TEK: variants seen among roughly 807,000 people sequenced by gnomAD.
The protein encoded by TEK is angiopoietin-1 receptor.
Under a neutral mutation model 131.8 loss-of-function variants are expected in TEK, and 43 were observed. The observed-to-expected ratio is 0.33, with a 90% CI of 0.26 to 0.42. TEK has a LOEUF of 0.42. TEK is among the 10% of genes least tolerant of loss of function. The pLI is 1.00. For missense variants in TEK, 1,162 were observed against 1,384.4 expected (o/e 0.84, Z 2.55); for synonymous variants, 580 against 491.6 (o/e 1.18, Z -2.38).
chr9:27,150,038 T>C (rs1293129151), intron 1 of TEK, among the ~76,000 whole-genome samples: 2 of 152,202 alleles, frequency 1.3e-5, no homozygotes, highest in Non-Finnish European at 2.9e-5. Context: ...TTCTCTGTCC[T>C]GTACCCTTTC....
chr9:27,137,777 T>C (rs1220085109), intron 1 of TEK, among the ~76,000 whole-genome samples: 2 of 152,172 alleles, frequency 1.3e-5, no homozygotes, highest in African/African-American at 4.8e-5. Flanking sequence ...CTTTTAGACT[T>C]CTCATTTTTC....
chr9:27,150,871 G>A (rs190876195), intron 1 of TEK, among the ~76,000 whole-genome samples: 15 of 152,276 alleles, frequency 9.9e-5, no homozygotes, highest in African/African-American at 2.2e-4. Flanking sequence ...AATTTCCGGC[G>A]TTTGAAGGTG....
rs573240128 is a variant in TEK, at chr9:27,229,175, G to A, written c.3318G>A (p.Thr1106=). The A allele has an allele frequency of 1.6e-5, 26 of 1,613,648 alleles. No individual in the cohort carries two copies. Among genetic ancestry groups the A allele is most frequent in the South Asian group, 5.5e-5 (5 of 91,080 alleles). Residue 1106 remains threonine (T), a synonymous_variant, in exon 23 of 23, where the codon ACG becomes ACA. Transcript: ENST00000380036. ...TCTTCCAGACCTACGTGAATACCAC[G>A]CTTTATGAGAAGTTTACTTATGCAG... is the stretch of plus-strand genomic sequence containing the variant. The part of the protein sequence containing the change: ...LEERKTYVNT[T]LYEKFTYAGI...
chr9:27,144,190 G>A (rs1044215807), intron 1 of TEK, among the ~76,000 whole-genome samples: 2 of 152,140 alleles, frequency 1.3e-5, no homozygotes, highest in Non-Finnish European at 2.9e-5. Context: ...GCTGAGGCAT[G>A]AGAATCGCTT....
chr9:27,130,711 G>T (rs1258497396), intron 1 of TEK, among the ~76,000 whole-genome samples: 1 of 149,584 alleles, frequency 6.7e-6, no homozygotes, highest in East Asian at 1.9e-4. Context: ...TGAGTAGCTG[G>T]GATTACAGGT....
At chr9:27,115,023 C>T (rs1249599318) in intron 1 of TEK, among the ~76,000 whole-genome samples, 1 of 152,100 alleles carries the variant, frequency 6.6e-6, no homozygotes, top group Non-Finnish European at 1.5e-5. Flanking sequence ...AATTTTTTCC[C>T]TTTGCTAAGC....
chr9:27,216,889 C>A (rs941149401), intron 18 of TEK, among the ~76,000 whole-genome samples: 2 of 152,128 alleles, frequency 1.3e-5, no homozygotes, highest in African/African-American at 4.8e-5. Context: ...GAGGGATCAA[C>A]CTCTCAATGA....
chr9:27,139,966 A>G (rs963995477), intron 1 of TEK, among the ~76,000 whole-genome samples: 6 of 152,156 alleles, frequency 3.9e-5, no homozygotes, highest in Admixed American at 2.6e-4. Context: ...TGGCTTCCCC[A>G]GTCCCGCTAC....
chr9:27,167,104 C>G (rs1278835616), intron 2 of TEK, among the ~76,000 whole-genome samples: 1 of 152,192 alleles, frequency 6.6e-6, no homozygotes, highest in Non-Finnish European at 1.5e-5. Flanking sequence ...TTCAGAAACT[C>G]TTGTTGCTGG....
intron 21 of TEK, among the ~76,000 whole-genome samples, chr9:27,226,409 G>A (rs531989851): frequency 6.6e-6 from 1 of 152,178 alleles, no homozygotes; most frequent in Non-Finnish European, 1.5e-5. Context: ...CCATAAGAAA[G>A]GATGAGTTCT....
At chr9:27,153,920 G>T (rs1823227638) in intron 1 of TEK, among the ~76,000 whole-genome samples, 1 of 152,126 alleles carries the variant, frequency 6.6e-6, no homozygotes, top group South Asian at 2.1e-4. Flanking sequence ...AGGCTGTTTG[G>T]CTACTTTTTT....
chr9:27,195,532 C>T, intron 11 of TEK: 2 of 378,596 alleles, frequency 5.3e-6, no homozygotes, highest in Non-Finnish European at 1.0e-5. Context: ...ATTTTTTTGC[C>T]CCATAGGAGT....
rs555832316 is a variant in TEK, at chr9:27,202,888, A to G, written c.1978A>G (p.Thr660Ala). The G allele has an allele frequency of 6.2e-7, 1 of 1,614,148 alleles. No individual in the cohort carries two copies. The highest frequency in any genetic ancestry group is 2.2e-5 in the East Asian group (1 of 44,884). Residue 660 changes from threonine to alanine, a missense_variant, in exon 13 of 23, where the codon ACA (threonine) becomes GCA (alanine). Physicochemically the swap from Thr to Ala is moderately conservative, Grantham distance 58. This residue lies in a region of TEK where 477 missense variants were observed against 471.0 expected (regional missense o/e 1.01). Coordinates refer to ENST00000380036, the MANE Select transcript of TEK (RefSeq NM_000459.5). ...ITHSSAVISWTILDGYSISSI... is the reference protein window; with the variant it reads ...ITHSSAVISWAILDGYSISSI... Reference sequence around the variant, plus strand: ...ACACTCCTCAGCTGTGATTTCTTGGACAATATTGGATGGCTATTCTATTTC... The same window carrying G: ...ACACTCCTCAGCTGTGATTTCTTGGGCAATATTGGATGGCTATTCTATTTC...
intron 2 of TEK, among the ~76,000 whole-genome samples, chr9:27,162,111 A>T (rs769646053): frequency 6.6e-6 from 1 of 152,226 alleles, no homozygotes; most frequent in African/African-American, 2.4e-5. Flanking sequence ...AGTGGGGGAA[A>T]TCTGGTTTGA....
intron 1 of TEK, among the ~76,000 whole-genome samples, chr9:27,122,530 A>C (rs910559892): frequency 6.6e-6 from 1 of 152,150 alleles, no homozygotes; most frequent in Non-Finnish European, 1.5e-5. Flanking sequence ...GGTTGGAGAA[A>C]AGGTAATTTG....
At chr9:27,110,623 ATAATT>A (rs879869887) in intron 1 of TEK, among the ~76,000 whole-genome samples, 2 of 152,224 alleles carry the variant, frequency 1.3e-5, no homozygotes, top group Non-Finnish European at 2.9e-5. Context: ...GCATATTAAT[ATAATT>A]TGATTCGAGT....
chr9:27,169,311 G>A (rs1247289902), intron 3 of TEK, among the ~76,000 whole-genome samples, 166 bp from the exon 4 acceptor site: 2 of 152,176 alleles, frequency 1.3e-5, no homozygotes, highest in Non-Finnish European at 2.9e-5. Flanking sequence ...CTTGACTATT[G>A]AGAGAGTACT....
At chr9:27,119,055 T>A (rs1283297714) in intron 1 of TEK, among the ~76,000 whole-genome samples, 2 of 152,238 alleles carry the variant, frequency 1.3e-5, no homozygotes, top group African/African-American at 4.8e-5. Context: ...CTCTTTCAGT[T>A]CTGTGAGCTA....
intron 1 of TEK, among the ~76,000 whole-genome samples, chr9:27,125,461 C>T (rs1365234915): frequency 6.6e-6 from 1 of 152,310 alleles, no homozygotes; most frequent in East Asian, 1.9e-4. Context: ...TAGAGGCCCC[C>T]TTTTTCTCTC....
Sources: gnomAD v4.1 joint callset for allele counts (sites outside exome capture counted in the v4.1 genomes callset) on GRCh38, gnomAD v4.1.1 for gene constraint, gnomAD v4.1.1 regional missense constraint, MANE v1.5 for transcripts, NCBI Gene and HGNC (gene_info 2026-07-23, HGNC 2026-07-21) for gene names.